PPP4R2: variants seen among roughly 807,000 people sequenced by gnomAD.
PPP4R2 encodes protein phosphatase 4 regulatory subunit 2.
A neutral mutation model predicts 47.2 loss-of-function variants in PPP4R2; 13 were observed. The ratio of observed to expected loss-of-function variants is 0.28; its 90% confidence interval spans 0.18 to 0.44. PPP4R2 has a LOEUF of 0.44. PPP4R2 is among the 20% of genes least tolerant of loss of function. The pLI, the probability that PPP4R2 is intolerant of heterozygous loss-of-function variation, is 1.00. For missense variants in PPP4R2, 421 were observed against 491.2 expected (o/e 0.86, Z 1.35); for synonymous variants, 151 against 163.3 (o/e 0.92, Z 0.57).
intron 8 of PPP4R2, 126 bp from the exon 9 acceptor site, chr3:73,065,271 G>C (rs1702967870): frequency 2.3e-6 from 3 of 1,286,682 alleles, no homozygotes; most frequent in Admixed American, 2.8e-5. Flanking sequence ...TCTCCCACCT[G>C]TATGTAGTTG....
chr3:73,020,749 A>C (rs1298743691), intron 2 of PPP4R2, among the ~76,000 whole-genome samples: 1 of 150,482 alleles, frequency 6.6e-6, no homozygotes, highest in Non-Finnish European at 1.5e-5. Context: ...GCTGGTCTTG[A>C]GCTCTTGTGC....
chr3:73,065,311 C>T, intron 8 of PPP4R2, 86 bp from the exon 9 acceptor site: 2 of 1,385,610 alleles, frequency 1.4e-6, no homozygotes, highest in South Asian at 1.5e-5. Context: ...GTGATTTGAA[C>T]TATAGAATAT....
At chr3:73,019,613 A>G (rs1049050548) in intron 2 of PPP4R2, among the ~76,000 whole-genome samples, 2 of 152,162 alleles carry the variant, frequency 1.3e-5, no homozygotes, top group African/African-American at 4.8e-5. Flanking sequence ...ACCTCAGATG[A>G]TCTGCTCCCT....
chr3:73,016,748 T>A (rs1398902188), intron 2 of PPP4R2, among the ~76,000 whole-genome samples: 4 of 134,048 alleles, frequency 3.0e-5, no homozygotes, highest in East Asian at 2.2e-4. Flanking sequence ...TATTATTTTT[T>A]TTTTTTAATA....
chr3:73,039,149 G>A (rs1702325976), intron 2 of PPP4R2, among the ~76,000 whole-genome samples: 1 of 152,152 alleles, frequency 6.6e-6, no homozygotes, highest in African/African-American at 2.4e-5. Context: ...ATGAGACTGA[G>A]TTTTGCTTTT....
At chr3:73,014,992 C>T in intron 2 of PPP4R2, 1 of 685,286 alleles carries the variant, frequency 1.5e-6, no homozygotes, top group Non-Finnish European at 2.7e-6. Flanking sequence ...ATGTAAGCAG[C>T]CTCACCCAGT....
chr3:73,051,623 T>G (rs1702614666), intron 3 of PPP4R2, among the ~76,000 whole-genome samples: 1 of 151,896 alleles, frequency 6.6e-6, no homozygotes, highest in African/African-American at 2.4e-5. Flanking sequence ...AAAGTACAAG[T>G]TTGTTTGTTT....
intron 2 of PPP4R2, among the ~76,000 whole-genome samples, chr3:73,038,558 G>T (rs1257199020): frequency 6.6e-5 from 10 of 152,060 alleles, no homozygotes; most frequent in Admixed American, 5.2e-4. Context: ...ACCAAGCCTG[G>T]CTAATTTTTG....
intron 2 of PPP4R2, among the ~76,000 whole-genome samples, chr3:73,003,571 C>CA (rs898601684): frequency 2.8e-4 from 43 of 152,318 alleles, no homozygotes; most frequent in African/African-American, 9.9e-4. Context: ...CTCATGCCTA[C>CA]AACCAGTCCT....
chr3:72,997,309 A>T, intron 1 of PPP4R2: 2 of 396,120 alleles, frequency 5.0e-6, no homozygotes. Flanking sequence ...AGCCGGGGAA[A>T]CTCTTGCGGG....
intron 2 of PPP4R2, among the ~76,000 whole-genome samples, chr3:73,034,985 G>A (rs557640179): frequency 1.3e-5 from 2 of 152,296 alleles, no homozygotes; most frequent in African/African-American, 4.8e-5. Context: ...CAAGGGAAGA[G>A]TCAGTAGAGT....
chr3:73,034,533 T>C (rs1357191789), intron 2 of PPP4R2, among the ~76,000 whole-genome samples: 1 of 152,172 alleles, frequency 6.6e-6, no homozygotes, highest in Non-Finnish European at 1.5e-5. Context: ...TGCAGCAAGC[T>C]ATAGTTTTGT....
intron 2 of PPP4R2, among the ~76,000 whole-genome samples, chr3:73,032,005 A>G (rs560936160): frequency 1.6e-4 from 24 of 152,360 alleles, no homozygotes; most frequent in Middle Eastern, 3.4e-3. Context: ...GGCTAGGGTT[A>G]TCTGCCTTAG....
intron 2 of PPP4R2, among the ~76,000 whole-genome samples, chr3:73,039,197 C>G (rs530112838): frequency 6.6e-6 from 1 of 152,194 alleles, no homozygotes; most frequent in African/African-American, 2.4e-5. Flanking sequence ...CATCTTGGCT[C>G]ACTGCAACCT....
Position 73,024,334 on chromosome 3 carries a change from TAA to T in PPP4R2, c.117-22850_117-22849del, listed in dbSNP as rs750987100. Among the ~76,000 whole-genome samples, 13 of 152,242 alleles carry T rather than the reference TAA, an allele frequency of 8.5e-5. No individual in the cohort carries two copies. In the East Asian group the frequency reaches 1.2e-3, roughly 14 times the overall value. On this transcript the variant is annotated intron_variant, in intron 2 of 8. Coordinates refer to ENST00000356692, the MANE Select transcript of PPP4R2 (RefSeq NM_174907.4). ...TTCTAGGAAGAAAGGAAAATAGCAA[TAA>T]AGTTACTTTATTGGTAGTGATCTGT...
intron 2 of PPP4R2, among the ~76,000 whole-genome samples, chr3:72,999,035 C>G (rs947881681): frequency 6.6e-6 from 1 of 152,144 alleles, no homozygotes; most frequent in Admixed American, 6.6e-5. Context: ...GTTCATTTCT[C>G]ACAAGATTTG....
At chr3:73,064,821 T>G in intron 7 of PPP4R2, 31 bp from the exon 8 acceptor site, 1 of 1,535,558 alleles carries the variant, frequency 6.5e-7, no homozygotes, top group Non-Finnish European at 8.8e-7. Context: ...AAAATAATCT[T>G]ATTAATGACA....
At chr3:73,058,078 C>T (rs938531839) in intron 3 of PPP4R2, among the ~76,000 whole-genome samples, 1 of 146,998 alleles carries the variant, frequency 6.8e-6, no homozygotes, top group African/African-American at 2.5e-5. Flanking sequence ...CTTATGAATG[C>T]TAATAGCTAC....
chr3:73,067,381 A>G lies in PPP4R2; in HGVS notation c.*1659A>G, dbSNP rs527400540. The stretch of plus-strand genomic sequence containing the variant: ...ACTACTTAAATCATCATGGCTATAA[A>G]TACCAAAACGATTTGGATCCATTTA... On this transcript the variant is annotated 3_prime_UTR_variant, in exon 9 of 9. Coordinates refer to ENST00000356692, the MANE Select transcript of PPP4R2 (RefSeq NM_174907.4). 12 of 152,256 alleles carry G rather than the reference A, an allele frequency of 7.9e-5. No individual in the cohort carries two copies. Among genetic ancestry groups the G allele is most frequent in the African/African-American group, 2.9e-4 (12 of 41,564 alleles). 9.4% of individuals were successfully genotyped at this position (152,256 alleles called of 1,614,324 possible).
Sources: gnomAD v4.1 joint callset for allele counts (sites outside exome capture counted in the v4.1 genomes callset) on GRCh38, gnomAD v4.1.1 for gene constraint, MANE v1.5 for transcripts, NCBI Gene and HGNC (gene_info 2026-07-23, HGNC 2026-07-21) for gene names.